CABLES2: variants seen among roughly 807,000 people sequenced by gnomAD.
CABLES2 encodes the protein Cdk5 and Abl enzyme substrate 2, also known as CDK5 and ABL1 enzyme substrate 2.
A neutral mutation model predicts 44.8 loss-of-function variants in CABLES2; 35 were observed. The ratio of observed to expected loss-of-function variants is 0.78; its 90% CI spans 0.60 to 1.04. The LOEUF is 1.04. CABLES2 is among the 50% of genes least tolerant of loss of function. CABLES2 has a pLI of 0.00. For synonymous variants in CABLES2, 282 were observed against 281.1 expected (o/e 1.00, Z -0.03); for missense variants, 566 against 615.7 (o/e 0.92, Z 0.85).
chr20:62,392,392 CTGAT>C lies in CABLES2; in HGVS notation c.1084_1087del (p.Ile362GlyfsTer3). The stretch of plus-strand genomic sequence containing the variant: ...TGGTCTGAGAGGGTGTCCTCACCTC[CTGAT>C]TTTGCTCAGCGTCAGTTTGACATGG... On this transcript the variant is annotated frameshift_variant, in exon 8 of 10. Coordinates refer to ENST00000279101, the MANE Select transcript of CABLES2 (RefSeq NM_031215.3). LOFTEE classifies it high-confidence loss of function. The C allele has an allele frequency of 6.2e-7, 1 of 1,612,678 alleles. No individual in the cohort carries two copies. The highest frequency in any genetic ancestry group is 8.5e-7 in the Non-Finnish European group (1 of 1,178,794).
At position 62,406,851 on chromosome 20, in the gene CABLES2, T is replaced by A. The variant is rs570267973; in HGVS notation, c.362+64A>T. 9.3e-6 allele frequency: 9 copies of A among 969,282 alleles called. No individual in the cohort carries two copies. In the African/African-American group the frequency reaches 1.6e-4, roughly 17 times the overall value. 60.0% of individuals were successfully genotyped at this position (969,282 alleles called of 1,614,324 possible). On this transcript the variant is annotated intron_variant, in intron 1 of 9. Coordinates refer to ENST00000279101, the MANE Select transcript of CABLES2 (RefSeq NM_031215.3). ...ATCCTGACCCCTAGTCCTGGGCTGA[T>A]CCGGCCCCCGTCCCCGTCCCTGTAC...
chr20:62,398,088 ACGGTGGTGGTGGTGGTGATGG>A lies in CABLES2; in HGVS notation c.363-1517_363-1497del, dbSNP rs1398904156. The stretch of plus-strand genomic sequence containing the variant: ...GGTGGTGACGGTGGTGGTGGTGGTG[ACGGTGGTGGTGGTGGTGATGG>A]TGGTGGTGGTGGTGGTTATGACGGT... On this transcript the variant is annotated intron_variant, in intron 1 of 9. Coordinates refer to ENST00000279101, the MANE Select transcript of CABLES2 (RefSeq NM_031215.3). Among the ~76,000 whole-genome samples, 167 of 52,216 alleles carry A rather than the reference ACGGTGGTGGTGGTGGTGATGG, an allele frequency of 3.2e-3. 5 individuals are homozygous for A. Among genetic ancestry groups the A allele is most frequent in the East Asian group, 0.017 (25 of 1,498 alleles). 34.3% of individuals were successfully genotyped at this position (52,216 alleles called of 152,430 possible).
rs1987957868 is a variant in CABLES2 at position 62,393,487 on chromosome 20, C to T, written c.833G>A (p.Arg278Lys). 6.2e-7 allele frequency: 1 copy of T among 1,613,218 alleles called. No homozygotes were observed. Among genetic ancestry groups the T allele is most frequent in the African/African-American group, 1.3e-5 (1 of 75,030 alleles). The change falls in exon 6 of 10, where the codon AGA becomes AAA. Residue 278 changes from arginine (R) to lysine (K), a missense_variant. Physicochemically the swap from Arg to Lys is conservative, Grantham distance 26. Transcript: ENST00000279101. ...PSVPRTLPGSRHKPAPTKSAP... is the reference protein window; with the variant it reads ...PSVPRTLPGSKHKPAPTKSAP... Reference sequence around the variant, plus strand: ...CGACTTGGTGGGGGCAGGTTTATGTCTTGACCCTGGCAGAGTCCGGGGGAC... The same window carrying T: ...CGACTTGGTGGGGGCAGGTTTATGTTTTGACCCTGGCAGAGTCCGGGGGAC...
At position 62,396,036 on chromosome 20, in the gene CABLES2, C is replaced by T. The variant is rs1988012340; in HGVS notation, c.527+279G>A. Among the ~76,000 whole-genome samples, 3 of 152,270 alleles carry T rather than the reference C, an allele frequency of 2.0e-5. No homozygotes were observed. The highest frequency in any genetic ancestry group is 1.3e-4 in the Admixed American group (2 of 15,288). On this transcript the variant is annotated intron_variant, in intron 3 of 9. Coordinates refer to ENST00000279101, the MANE Select transcript of CABLES2 (RefSeq NM_031215.3). This position sits in a 1 kb window ranked among gnomAD's most constrained non-coding sequence, Gnocchi z 5.7. ...CGTTTCTGTGTCTCCAGTTTTCCTT[C>T]ACGTCAGCACTGTTGCTGGAGGCTA...
chr20:62,401,375 G>T (rs569995555), intron 1 of CABLES2, among the ~76,000 whole-genome samples: 1 of 152,342 alleles, frequency 6.6e-6, no homozygotes, highest in South Asian at 2.1e-4. Context: ...CAGGGCTGTT[G>T]CAACTCCACG....
chr20:62,397,951 T>TGGTGGTG (rs1569017203), intron 1 of CABLES2, among the ~76,000 whole-genome samples: 1 of 24,116 alleles, frequency 4.1e-5, no homozygotes, highest in Non-Finnish European at 7.3e-5. Context: ...GTGGTGACGG[T>TGGTGGTG]AGTGGTGGTG....
intron 1 of CABLES2, among the ~76,000 whole-genome samples, chr20:62,399,739 G>A (rs918726531): frequency 1.3e-5 from 2 of 151,734 alleles, no homozygotes; most frequent in African/African-American, 2.4e-5. Flanking sequence ...GAGTACAGGC[G>A]CCTGTCACCA....
intron 5 of CABLES2, 112 bp downstream of exon 5, chr20:62,394,045 G>A (rs919210228): frequency 7.0e-6 from 6 of 852,818 alleles, no homozygotes; most frequent in African/African-American, 5.0e-5. Flanking sequence ...TGCGTTTTAC[G>A]TGGAGTGAAG....
chr20:62,393,717 T>A, intron 5 of CABLES2, 112 bp from the exon 6 acceptor site: 1 of 1,176,936 alleles, frequency 8.5e-7, no homozygotes, highest in Non-Finnish European at 1.2e-6. Flanking sequence ...GCATGGAAAA[T>A]GAAGGGAACA....
chr20:62,392,710 G>A (rs1449267580), intron 7 of CABLES2, among the ~76,000 whole-genome samples: 3 of 152,208 alleles, frequency 2.0e-5, no homozygotes, highest in East Asian at 3.9e-4. Context: ...GCCAGGTGCC[G>A]AGGGCGGAAG....
At chr20:62,395,848 G>T (rs1164165328) in intron 3 of CABLES2, among the ~76,000 whole-genome samples, 1 of 152,206 alleles carries the variant, frequency 6.6e-6, no homozygotes, top group Non-Finnish European at 1.5e-5. Flanking sequence ...GGGGCCACAG[G>T]AACAGCCCCT....
At position 62,391,356 on chromosome 20, in the gene CABLES2, C is replaced by T; in HGVS notation, c.1189G>A (p.Gly397Ser). The change falls in exon 9 of 10, where the codon GGC becomes AGC. Residue 397 changes from glycine to serine, a missense_variant. Gly to Ser is a moderately conservative substitution (Grantham distance 56). Transcript: ENST00000279101. The surrounding 1 kb of genome is among the most constrained non-coding windows in gnomAD (Gnocchi z 5.7). ...TTGCGGTTCTGTTTGCTGAGCTTGC[C>T]CTGCAGGACCAGCTTCTCAAAGTAC... ...YVYFEKLVLQ[G>S]KLSKQNRKLC... The T allele has an allele frequency of 6.2e-7, 1 of 1,613,462 alleles. No individual in the cohort carries two copies. The highest frequency in any genetic ancestry group is 1.1e-5 in the South Asian group (1 of 91,090).
Position 62,392,941 on chromosome 20 carries a change from G to A in CABLES2, c.963C>T (p.Val321=), listed in dbSNP as rs1196257955. Residue 321 remains valine (V), a synonymous_variant, in exon 7 of 10, where the codon GTC becomes GTT. Coordinates refer to ENST00000279101, the MANE Select transcript of CABLES2 (RefSeq NM_031215.3). ...TCACCATGTACGACGCAAAGATGAG[G>A]ACACGTTTGTGCTTGCCGCAGGGCC... ...PQWPCGKHKR[V]LIFASYMTTV... The A allele has an allele frequency of 3.1e-6, 5 of 1,613,914 alleles. No individual in the cohort carries two copies. Among genetic ancestry groups the A allele is most frequent in the Non-Finnish European group, 8.5e-7 (1 of 1,180,006 alleles).
chr20:62,393,448 G>A lies in CABLES2; in HGVS notation c.872C>T (p.Thr291Ile). 6.2e-7 allele frequency: 1 copy of A among 1,606,246 alleles called. No homozygotes were observed. The highest frequency in any genetic ancestry group is 8.5e-7 in the Non-Finnish European group (1 of 1,175,992). ...PAPTKSAPAS[T>I]ELGSDVGDTL... ...TAAGGCACGTGGGCTACCTAGTTCT[G>A]TGCTGGCTGGTGCCGACTTGGTGGG... The change falls in exon 6 of 10, where the codon ACA (threonine) becomes ATA (isoleucine). Residue 291 changes from threonine to isoleucine, a missense_variant. Around this residue, in one of 2 missense-constraint regions of CABLES2, gnomAD observed 436 missense variants for 536.3 expected, o/e 0.81. Transcript: ENST00000279101.
chr20:62,406,202 G>T (rs574361506), intron 1 of CABLES2, among the ~76,000 whole-genome samples: 1 of 152,262 alleles, frequency 6.6e-6, no homozygotes, highest in Admixed American at 6.5e-5. Context: ...TGGGATGGGA[G>T]ATGTGGCTGT....
At chr20:62,399,483 G>A (rs1414672340) in intron 1 of CABLES2, among the ~76,000 whole-genome samples, 23 of 147,702 alleles carry the variant, frequency 1.6e-4, no homozygotes, top group African/African-American at 5.0e-4. Flanking sequence ...TCCTGACCTC[G>A]TGATCCACCT....
chr20:62,396,299 C>T lies in CABLES2; in HGVS notation c.527+16G>A, dbSNP rs750561800. On this transcript the variant is annotated intron_variant, in intron 3 of 9. Coordinates refer to ENST00000279101, the MANE Select transcript of CABLES2 (RefSeq NM_031215.3). The surrounding 1 kb of genome is among the most constrained non-coding windows in gnomAD (Gnocchi z 5.7). ...GAGACCACAGCCCTGGCCCGGTTCC[C>T]GGCTCCGCTTCATACCTGCTGTTCC... 1.2e-5 allele frequency: 19 copies of T among 1,611,216 alleles called. No homozygotes were observed. The highest frequency in any genetic ancestry group is 1.7e-5 in the Admixed American group (1 of 59,988).
At chr20:62,395,703 T>C (rs1379447521) in intron 3 of CABLES2, among the ~76,000 whole-genome samples, 1 of 152,138 alleles carries the variant, frequency 6.6e-6, no homozygotes, top group Non-Finnish European at 1.5e-5. Flanking sequence ...CTGGGAGCTG[T>C]ACAGGACTGA....
At position 62,390,637 on chromosome 20, in the gene CABLES2, G is replaced by C. The variant is rs934434058; in HGVS notation, c.*334C>G. ...AGGGGAGACACACTGCAGCCGGCTCGCTGCTGCACGCTGTGAACAAAAGGT... is the reference window on the plus strand; with the variant it reads ...AGGGGAGACACACTGCAGCCGGCTCCCTGCTGCACGCTGTGAACAAAAGGT... On this transcript the variant is annotated 3_prime_UTR_variant, in exon 10 of 10. Coordinates refer to ENST00000279101, the MANE Select transcript of CABLES2 (RefSeq NM_031215.3). The C allele has an allele frequency of 3.3e-6, 1 of 302,458 alleles. No homozygotes were observed. The highest frequency in any genetic ancestry group is 6.3e-6 in the Non-Finnish European group (1 of 158,616). 18.7% of individuals were successfully genotyped at this position (302,458 alleles called of 1,614,324 possible).
Sources: allele counts gnomAD v4.1 joint callset (sites outside exome capture counted in the v4.1 genomes callset), GRCh38; gene constraint gnomAD v4.1.1; regional missense constraint gnomAD v4.1.1; non-coding constraint Gnocchi (gnomAD v3.1); transcripts MANE v1.5; gene names NCBI Gene and HGNC (gene_info 2026-07-23, HGNC 2026-07-21).